Variants in RANBP2 observed in about 807,000 individuals in gnomAD.
The protein encoded by RANBP2 is RAN binding protein 2, also known as E3 SUMO-protein ligase RanBP2.
Under a neutral mutation model 303.6 loss-of-function variants are expected in RANBP2, and 57 were observed. That is an observed-to-expected ratio of 0.19 (90% CI 0.15 to 0.23). The LOEUF (loss-of-function observed/expected upper bound fraction) is 0.23, where lower values mean the gene tolerates loss of function less well. Among genes scored for constraint, RANBP2 ranks in the 10% least tolerant of loss-of-function variants. The pLI is 1.00. For missense variants in RANBP2, 3,138 were observed against 3,780.8 expected (o/e 0.83, Z 4.46); for synonymous variants, 1,167 against 1,301.5 (o/e 0.90, Z 2.23).
the RANBP2 span, among the ~76,000 whole-genome samples, chr2:109,226,841 C>T: frequency 6.6e-6 from 1 of 152,220 alleles, no homozygotes; most frequent in Non-Finnish European, 1.5e-5. Flanking sequence ...AGGACCCCTA[C>T]AGCTGCAGGA....
chr2:109,664,016 C>T, the RANBP2 span, among the ~76,000 whole-genome samples: 2 of 152,148 alleles, frequency 1.3e-5, no homozygotes, highest in Admixed American at 6.5e-5. Context: ...AGAGACAGCC[C>T]TTCATTCTCT....
chr2:109,415,742 C>CG, the RANBP2 span, among the ~76,000 whole-genome samples: 1 of 152,220 alleles, frequency 6.6e-6, no homozygotes, highest in Non-Finnish European at 1.5e-5. Flanking sequence ...ACCGTCACTT[C>CG]ATCTGGCCTC....
At chr2:108,720,403 G>A (rs13003845) in intron 1 of RANBP2, among the ~76,000 whole-genome samples, 3 of 151,350 alleles carry the variant, frequency 2.0e-5, no homozygotes, top group Admixed American at 6.6e-5. Context: ...AGTATGGCTT[G>A]CAATTTTTAA....
chr2:109,541,810 G>A, the RANBP2 span, among the ~76,000 whole-genome samples: 2 of 152,184 alleles, frequency 1.3e-5, no homozygotes, highest in Non-Finnish European at 2.9e-5. Flanking sequence ...CCTTTTGAGA[G>A]TGCCCTGCTC....
chr2:109,616,093 AG>A, the RANBP2 span: 2 of 1,481,468 alleles, frequency 1.4e-6, no homozygotes, highest in African/African-American at 2.8e-5. Context: ...GAAAATGCAA[AG>A]GTTTATTTGT....
At chr2:108,908,085 T>A in the RANBP2 span, 1 of 1,499,482 alleles carries the variant, frequency 6.7e-7, no homozygotes, top group Non-Finnish European at 9.0e-7. Context: ...CAAGTTCTCC[T>A]GTGGTGAACT....
At chr2:109,019,201 A>G in the RANBP2 span, among the ~76,000 whole-genome samples, 3 of 152,180 alleles carry the variant, frequency 2.0e-5, no homozygotes. Context: ...CCCATTTGAA[A>G]ATGGGAACAG....
the RANBP2 span, among the ~76,000 whole-genome samples, chr2:109,174,151 G>C: frequency 2.0e-5 from 3 of 152,248 alleles, no homozygotes; most frequent in Non-Finnish European, 4.4e-5. Flanking sequence ...CTCCCAACCA[G>C]AGGCTCCAGG....
chr2:109,498,148 C>T, the RANBP2 span, among the ~76,000 whole-genome samples: 1 of 152,206 alleles, frequency 6.6e-6, no homozygotes, highest in South Asian at 2.1e-4. Context: ...TCCGCCTGCC[C>T]TCCTTCCTTC....
chr2:108,895,641 C>CT, the RANBP2 span: 1 of 152,262 alleles, frequency 6.6e-6, no homozygotes, highest in Non-Finnish European at 1.5e-5. Context: ...GCTCCACTTT[C>CT]TTTTTGCTCA....
the RANBP2 span, among the ~76,000 whole-genome samples, chr2:109,336,382 A>T: frequency 6.6e-6 from 1 of 152,246 alleles, no homozygotes; most frequent in African/African-American, 2.4e-5. Context: ...TAGAACAGAA[A>T]ATAACTGGAT....
At chr2:109,204,844 G>A in the RANBP2 span, among the ~76,000 whole-genome samples, 9 of 152,254 alleles carry the variant, frequency 5.9e-5, no homozygotes, top group African/African-American at 1.4e-4. Flanking sequence ...TTTCTGTAGC[G>A]TGGAAGTGGG....
the RANBP2 span, among the ~76,000 whole-genome samples, chr2:109,395,531 G>A: frequency 1.3e-5 from 2 of 152,190 alleles, no homozygotes; most frequent in Non-Finnish European, 2.9e-5. Context: ...CCTGCCGTCT[G>A]TTGAAGCTGC....
At chr2:109,659,696 C>T in the RANBP2 span, among the ~76,000 whole-genome samples, 1 of 152,210 alleles carries the variant, frequency 6.6e-6, no homozygotes, top group African/African-American at 2.4e-5. Flanking sequence ...AACAAATCAG[C>T]GGGGGGCTCC....
the RANBP2 span, among the ~76,000 whole-genome samples, chr2:109,319,364 A>G: frequency 1.3e-5 from 2 of 152,218 alleles, 1 homozygote; most frequent in Admixed American, 1.3e-4. Context: ...CAATGTCCTG[A>G]GCTGTGTCTG....
the RANBP2 span, among the ~76,000 whole-genome samples, chr2:109,241,665 G>A: frequency 6.6e-6 from 1 of 152,048 alleles, no homozygotes; most frequent in African/African-American, 2.4e-5. Context: ...CATGGTGAGG[G>A]TTCGGCAGTT....
At chr2:109,725,825 C>T in the RANBP2 span, among the ~76,000 whole-genome samples, 2 of 151,962 alleles carry the variant, frequency 1.3e-5, no homozygotes, top group Non-Finnish European at 2.9e-5. Flanking sequence ...CTCTGCCTCC[C>T]GGGTTCAAGT....
At chr2:108,790,570 C>T (rs772701865), downstream of RANBP2, among the ~76,000 whole-genome samples, 2 of 151,802 alleles carry the variant, frequency 1.3e-5, no homozygotes, top group Non-Finnish European at 2.9e-5. Context: ...GGCATGGTGG[C>T]GGGTGCCTGT....
At chr2:109,457,348 A>G in the RANBP2 span, among the ~76,000 whole-genome samples, 94 of 152,368 alleles carry the variant, frequency 6.2e-4, no homozygotes, top group Middle Eastern at 0.01. Context: ...AATGAAGGGA[A>G]CTCAAGTAAA....
Sources: gnomAD v4.1 joint callset for allele counts (sites outside exome capture counted in the v4.1 genomes callset) on GRCh38, gnomAD v4.1.1 for gene constraint, MANE v1.5 for transcripts, NCBI Gene and HGNC (gene_info 2026-07-23, HGNC 2026-07-21) for gene names.